The following XPNPEP2 variants were observed in gnomAD, a reference collection of about 807,000 sequenced individuals.
The protein encoded by XPNPEP2 is xaa-Pro aminopeptidase 2.
Under a neutral mutation model 59.8 loss-of-function variants are expected in XPNPEP2, and 64 were observed. The ratio of observed to expected loss-of-function variants is 1.07; its 90% confidence interval spans 0.87 to 1.32. XPNPEP2 has a LOEUF of 1.32. XPNPEP2 is among the 40% of genes most tolerant of loss of function. The pLI is 0.00. For synonymous variants in XPNPEP2, 235 were observed against 210.0 expected, an observed-to-expected ratio of 1.12 and a Z score of -1.03; for missense variants, 575 against 546.8, an observed-to-expected ratio of 1.05 and a Z score of -0.51.
At chrX:129,751,706 A>G in intron 8 of XPNPEP2, 39 bp from the exon 9 acceptor site, 1 of 1,131,892 alleles carries the variant, frequency 8.8e-7, no homozygotes, top group South Asian at 1.9e-5. Flanking sequence ...TGCCTCAGGC[A>G]GATCAGCATT....
At chrX:129,752,027 C>T in intron 9 of XPNPEP2, 123 bp from the exon 10 acceptor site, 1 of 904,433 alleles carries the variant, frequency 1.1e-6, no homozygotes, top group Admixed American at 2.8e-5. Flanking sequence ...CCAAATCTGG[C>T]CTGCTTGGCT....
chrX:129,743,663 T>G (rs1926240894), intron 2 of XPNPEP2, among the ~76,000 whole-genome samples: 1 of 112,208 alleles, frequency 8.9e-6, no homozygotes, highest in African/African-American at 3.2e-5. Flanking sequence ...CTCAGACCCC[T>G]GCAGTTCTCA....
At chrX:129,753,895 G>T (rs1335546678) in intron 11 of XPNPEP2, among the ~76,000 whole-genome samples, 1 of 111,612 alleles carries the variant, frequency 9.0e-6, no homozygotes, top group Non-Finnish European at 1.9e-5. Context: ...TACAGCATAT[G>T]GTTGTTGTGA....
intron 7 of XPNPEP2, among the ~76,000 whole-genome samples, chrX:129,748,327 C>A (rs775010476): frequency 2.4e-4 from 27 of 112,240 alleles, no homozygotes; most frequent in Admixed American, 5.6e-4. Flanking sequence ...ATAACCTTGA[C>A]CCCGTTGACA....
At chrX:129,761,068 GGCC>G in intron 16 of XPNPEP2, 101 bp from the exon 17 acceptor site, 1 of 787,764 alleles carries the variant, frequency 1.3e-6, no homozygotes, top group Non-Finnish European at 1.8e-6. Flanking sequence ...GCCTCTCAGG[GGCC>G]CCTCTTCTTA....
Position 129,768,520 on chromosome X carries a change from A to T in XPNPEP2, c.*35A>T. 9.0e-7 allele frequency: 1 copy of T among 1,106,562 alleles called. No individual in the cohort carries two copies. Among genetic ancestry groups the T allele is most frequent in the South Asian group, 2.3e-5 (1 of 43,562 alleles). 91.2% of individuals were successfully genotyped at this position (1,106,562 alleles called of 1,213,427 possible). On this transcript the variant is annotated 3_prime_UTR_variant, in exon 21 of 21. Coordinates refer to ENST00000371106, the MANE Select transcript of XPNPEP2 (RefSeq NM_003399.6). The stretch of plus-strand genomic sequence containing the variant: ...ACTCTCCTGTTAACCCTCCATCTAG[A>T]TGGGGGGCTCCCTTGCTTAGCTCCC...
Position 129,747,710 on chromosome X carries a change from G to T in XPNPEP2, c.594G>T (p.Pro198=), listed in dbSNP as rs1011245608. 1 of 1,211,915 alleles carries T rather than the reference G, an allele frequency of 8.3e-7. No individual in the cohort carries two copies. The highest frequency in any genetic ancestry group is 3.0e-5 in the East Asian group (1 of 33,843). Residue 198 remains proline, a synonymous_variant, in exon 7 of 21, where the codon CCG becomes CCT. Coordinates refer to ENST00000371106, the MANE Select transcript of XPNPEP2 (RefSeq NM_003399.6). The part of the protein sequence containing the change: ...VDLVWGSERP[P]VPNQPIYALQ... ...TGGTATGGGGATCAGAGAGGCCACCGGTTCCAAATCAACCCATTTATGCCC... is the reference window on the plus strand; with the variant it reads ...TGGTATGGGGATCAGAGAGGCCACCTGTTCCAAATCAACCCATTTATGCCC...
chrX:129,754,358 G>A, intron 11 of XPNPEP2, 114 bp from the exon 12 acceptor site: 1 of 591,020 alleles, frequency 1.7e-6, no homozygotes, highest in Non-Finnish European at 2.6e-6. Context: ...CAAATAGCCA[G>A]TGTTTTCAAA....
rs752979116 is a variant in XPNPEP2, at chrX:129,753,256, C to T, written c.1107+8C>T. 1 of 1,203,414 alleles carries T rather than the reference C, an allele frequency of 8.3e-7. No homozygotes were observed. ...CTCCTCAAGGCCAGCCACGTAAGTC[C>T]ACGTTCAGGCAGACATGGCCTTTTG... On this transcript the variant is annotated splice_region_variant and intron_variant, in intron 11 of 20. Transcript: ENST00000371106.
chrX:129,741,712 A>G (rs909284536), intron 1 of XPNPEP2, among the ~76,000 whole-genome samples: 1 of 112,294 alleles, frequency 8.9e-6, no homozygotes, highest in Non-Finnish European at 1.9e-5. Context: ...AAAAGGCTAA[A>G]ATGAAGGTGG....
intron 13 of XPNPEP2, among the ~76,000 whole-genome samples, chrX:129,755,981 T>TC (rs1232295527): frequency 2.7e-5 from 3 of 111,637 alleles, no homozygotes; most frequent in African/African-American, 9.8e-5. Flanking sequence ...CTTTACCACC[T>TC]CTTGCTCAGC....
At chrX:129,744,124 C>T (rs914438823) in intron 3 of XPNPEP2, 53 bp downstream of exon 3, 2 of 1,043,126 alleles carry the variant, frequency 1.9e-6, no homozygotes, top group African/African-American at 3.7e-5. Flanking sequence ...GGGTCAGAGA[C>T]CACAAACAGG....
intron 8 of XPNPEP2, among the ~76,000 whole-genome samples, 158 bp from the exon 9 acceptor site, chrX:129,751,587 A>C (rs866253006): frequency 9.1e-5 from 6 of 66,089 alleles, no homozygotes; most frequent in Non-Finnish European, 1.4e-4. Context: ...AGAAAGAAAG[A>C]AAGAAAGAAA....
At chrX:129,749,019 G>T (rs1486897918) in intron 7 of XPNPEP2, among the ~76,000 whole-genome samples, 1 of 112,128 alleles carries the variant, frequency 8.9e-6, no homozygotes, top group Non-Finnish European at 1.9e-5. Flanking sequence ...AACATGAAAA[G>T]TTCGCTACTC....
intron 1 of XPNPEP2, among the ~76,000 whole-genome samples, 200 bp from the exon 2 acceptor site, chrX:129,741,908 C>A (rs1310515439): frequency 8.9e-6 from 1 of 112,398 alleles, no homozygotes; most frequent in East Asian, 2.8e-4. Context: ...AAACAGATTT[C>A]TTTGATTGTG....
chrX:129,739,448 C>A (rs1926132927), intron 1 of XPNPEP2, among the ~76,000 whole-genome samples, 186 bp downstream of exon 1: 1 of 111,682 alleles, frequency 9.0e-6, no homozygotes, highest in African/African-American at 3.3e-5. Context: ...TGGTTTGGCA[C>A]CTTTCCATTC....
Position 129,752,315 on chromosome X carries a change from CA to C in XPNPEP2, c.988del (p.Met330CysfsTer7). 8.3e-7 allele frequency: 1 copy of C among 1,211,431 alleles called. No homozygotes were observed. Among genetic ancestry groups the C allele is most frequent in the East Asian group, 3.0e-5 (1 of 33,853 alleles). On this transcript the variant is annotated frameshift_variant, in exon 10 of 21. Coordinates refer to ENST00000371106, the MANE Select transcript of XPNPEP2 (RefSeq NM_003399.6). LOFTEE classifies it high-confidence loss of function. ...GGATCTGGATTGGGACCAGCTATACCATGTATGGGATCTATGAAATGATACC... is the reference window on the plus strand; with the variant it reads ...GGATCTGGATTGGGACCAGCTATACCTGTATGGGATCTATGAAATGATACC... The part of the protein sequence containing the change: ...VRIWIGTSYT[M>X]YGIYEMIPKE...
chrX:129,755,275 C>T lies in XPNPEP2; in HGVS notation c.1218-19C>T, dbSNP rs749602633. 8.3e-7 allele frequency: 1 copy of T among 1,207,941 alleles called. No individual in the cohort carries two copies. The highest frequency in any genetic ancestry group is 2.2e-5 in the Admixed American group (1 of 45,987). On this transcript the variant is annotated intron_variant, in intron 12 of 20. Transcript: ENST00000371106. The stretch of plus-strand genomic sequence containing the variant: ...CCAGGGGCCCATTCATTGACCATGC[C>T]TTGCCTTGTACTTTCCAGAGAAGAA...
At chrX:129,766,930 T>G (rs765434305) in intron 19 of XPNPEP2, among the ~76,000 whole-genome samples, 2 of 111,237 alleles carry the variant, frequency 1.8e-5, no homozygotes, top group African/African-American at 6.5e-5. Context: ...AACCATCAGA[T>G]CAGCCAGGCG....
Sources: allele counts gnomAD v4.1 joint callset (sites outside exome capture counted in the v4.1 genomes callset), GRCh38; gene constraint gnomAD v4.1.1; transcripts MANE v1.5; gene names NCBI Gene and HGNC (gene_info 2026-07-23, HGNC 2026-07-21).